Variants in VAV2 observed in about 807,000 individuals in gnomAD.
VAV2 encodes the protein guanine nucleotide exchange factor VAV2.
In VAV2, 67 loss-of-function variants were observed where a neutral mutation model predicts 132.5. That is an observed-to-expected ratio of 0.51 (90% CI 0.42 to 0.62). The LOEUF is 0.62. Ranked by LOEUF, VAV2 falls within the 20% of genes least tolerant of loss-of-function variation. The probability of loss-of-function intolerance (pLI) is 0.00; values close to 1 mark genes in which losing one functional copy is unlikely to be tolerated. For synonymous variants in VAV2, 492 were observed against 443.5 expected (o/e 1.11, Z -1.37); for missense variants, 938 against 1,153.6 (o/e 0.81, Z 2.71).
chr9:133,901,522 C>T (rs1399878846), intron 2 of VAV2, among the ~76,000 whole-genome samples: 1 of 152,230 alleles, frequency 6.6e-6, no homozygotes, highest in Non-Finnish European at 1.5e-5. Flanking sequence ...CTCATGAGGC[C>T]TAGAAGCTTC....
intron 4 of VAV2, among the ~76,000 whole-genome samples, chr9:133,831,157 C>T (rs1027941604): frequency 3.9e-5 from 6 of 152,038 alleles, no homozygotes; most frequent in African/African-American, 9.7e-5. Context: ...GGCAACTGGC[C>T]GGGCACGGTG....
chr9:133,950,512 G>A (rs1841523520), intron 1 of VAV2, among the ~76,000 whole-genome samples: 3 of 152,288 alleles, frequency 2.0e-5, no homozygotes, highest in Middle Eastern at 3.4e-3. Flanking sequence ...AGCCAAGGCG[G>A]GGGGTATAAA....
At chr9:133,974,284 GCCCACCACAACTCCAGCT>G (rs1842435462) in intron 1 of VAV2, among the ~76,000 whole-genome samples, 1 of 152,142 alleles carries the variant, frequency 6.6e-6, no homozygotes, top group Admixed American at 6.5e-5. Context: ...GAATACCCAG[GCCCACCACAACTCCAGCT>G]CCCTTGCACA....
chr9:133,889,073 C>G (rs959684520), intron 2 of VAV2, among the ~76,000 whole-genome samples: 1 of 152,174 alleles, frequency 6.6e-6, no homozygotes, highest in Non-Finnish European at 1.5e-5. Flanking sequence ...GAGGCAGGTC[C>G]GGCAGGGATC....
At chr9:133,856,666 C>T (rs1232728370) in intron 3 of VAV2, among the ~76,000 whole-genome samples, 5 of 152,270 alleles carry the variant, frequency 3.3e-5, no homozygotes, top group Middle Eastern at 3.4e-3. Flanking sequence ...AAGTCTGAAG[C>T]GGGTCTTAGG....
intron 2 of VAV2, among the ~76,000 whole-genome samples, chr9:133,920,453 C>A (rs1364415768): frequency 6.6e-6 from 1 of 152,232 alleles, no homozygotes; most frequent in African/African-American, 2.4e-5. Flanking sequence ...ACCACTGGAT[C>A]ACTCACTGAA....
At chr9:133,974,977 G>A (rs1227437804) in intron 1 of VAV2, among the ~76,000 whole-genome samples, 8 of 152,324 alleles carry the variant, frequency 5.3e-5, no homozygotes, top group African/African-American at 9.6e-5. Context: ...GGCCTTCCAC[G>A]TGATTCATGC....
chr9:133,869,675 AT>A, intron 2 of VAV2, among the ~76,000 whole-genome samples: 1 of 152,334 alleles, frequency 6.6e-6, no homozygotes, highest in Admixed American at 6.5e-5. Context: ...GTGATGAGCC[AT>A]CCGCCGACCC....
At chr9:133,895,120 A>G (rs925343958) in intron 2 of VAV2, among the ~76,000 whole-genome samples, 1 of 152,144 alleles carries the variant, frequency 6.6e-6, no homozygotes, top group African/African-American at 2.4e-5. Flanking sequence ...GAATGACACC[A>G]GCACAAGGGG....
rs1298856202 is a variant in VAV2 at position 133,794,357 on chromosome 9, G to A, written c.1101+1311C>T. Among the ~76,000 whole-genome samples, 1 of 152,076 alleles carries A rather than the reference G, an allele frequency of 6.6e-6. No homozygotes were observed. The highest frequency in any genetic ancestry group is 1.9e-4 in the East Asian group (1 of 5,172). ...TGCTCGCTGCCCAGTGCAGCCGAGC[G>A]GGAATCTGAAGGTCTCTGGGACCAC... On this transcript the variant is annotated intron_variant, in intron 12 of 29. Transcript: ENST00000371850. The surrounding 1 kb of genome is among the most constrained non-coding windows in gnomAD (Gnocchi z 4.6).
chr9:133,960,065 C>A (rs753935984), intron 1 of VAV2, among the ~76,000 whole-genome samples: 1 of 152,196 alleles, frequency 6.6e-6, no homozygotes, highest in African/African-American at 2.4e-5. Flanking sequence ...GCCAGGCCCT[C>A]GTCTCTGAGG....
chr9:133,886,247 T>G (rs1838698843), intron 2 of VAV2, among the ~76,000 whole-genome samples: 1 of 152,136 alleles, frequency 6.6e-6, no homozygotes, highest in Admixed American at 6.5e-5. Context: ...GAATAGCACA[T>G]GAGGGGCTGG....
chr9:133,866,300 T>G (rs1373216979), intron 2 of VAV2, among the ~76,000 whole-genome samples: 1 of 152,202 alleles, frequency 6.6e-6, no homozygotes, highest in East Asian at 1.9e-4. Context: ...TAAAGAGGGA[T>G]TCTACGTGTT....
chr9:133,831,073 G>A (rs1423583454), intron 4 of VAV2, among the ~76,000 whole-genome samples: 1 of 152,196 alleles, frequency 6.6e-6, no homozygotes, highest in Non-Finnish European at 1.5e-5. Flanking sequence ...TTTTCTGGGT[G>A]AGAGGAATTC....
intron 2 of VAV2, among the ~76,000 whole-genome samples, chr9:133,886,478 T>C (rs1838714026): frequency 6.6e-6 from 1 of 152,120 alleles, no homozygotes; most frequent in Admixed American, 6.5e-5. Context: ...AGGGTCCAGC[T>C]CTAACCTCGT....
chr9:133,787,529 A>C (rs1834275612), intron 15 of VAV2, among the ~76,000 whole-genome samples: 1 of 152,150 alleles, frequency 6.6e-6, no homozygotes, highest in South Asian at 2.1e-4. Context: ...TCCAGTCTGC[A>C]CTTGCTGGGT....
chr9:133,853,712 A>T (rs2131845632), intron 3 of VAV2, among the ~76,000 whole-genome samples: 1 of 152,104 alleles, frequency 6.6e-6, no homozygotes, highest in Non-Finnish European at 1.5e-5. Context: ...CCCTAAACCA[A>T]AAGAAACCAA....
chr9:133,783,721 T>G, intron 18 of VAV2, 130 bp from the exon 19 acceptor site: 1 of 755,822 alleles, frequency 1.3e-6, no homozygotes, highest in Admixed American at 2.1e-5. Context: ...ACATCCCTCA[T>G]AGCCCTGAGT....
At chr9:133,937,996 CA>C (rs1840988406) in intron 2 of VAV2, among the ~76,000 whole-genome samples, 1 of 152,234 alleles carries the variant, frequency 6.6e-6, no homozygotes, top group African/African-American at 2.4e-5. Context: ...GCCCTTGTTC[CA>C]GGTCCTGACC....
Sources: allele counts gnomAD v4.1 joint callset (sites outside exome capture counted in the v4.1 genomes callset), GRCh38; gene constraint gnomAD v4.1.1; non-coding constraint Gnocchi (gnomAD v3.1); transcripts MANE v1.5; gene names NCBI Gene and HGNC (gene_info 2026-07-23, HGNC 2026-07-21).